Variants in CREB3L2 observed in about 807,000 individuals in gnomAD.
The protein encoded by CREB3L2 is cyclic AMP-responsive element-binding protein 3-like protein 2.
In CREB3L2, 23 loss-of-function variants were observed where a neutral mutation model predicts 57.2. The ratio of observed to expected loss-of-function variants is 0.40; its 90% CI spans 0.29 to 0.57. CREB3L2 has a LOEUF of 0.57. Among genes scored for constraint, CREB3L2 ranks in the 20% least tolerant of loss-of-function variants. The probability of loss-of-function intolerance (pLI) is 0.42; values close to 1 mark genes in which losing one functional copy is unlikely to be tolerated. For synonymous variants in CREB3L2, 268 were observed against 265.1 expected, an observed-to-expected ratio of 1.01 and a Z score of -0.11; for missense variants, 628 against 634.7, an observed-to-expected ratio of 0.99 and a Z score of 0.11.
At chr7:137,885,255 G>T in intron 9 of CREB3L2, 134 bp from the exon 10 acceptor site, 1 of 1,200,806 alleles carries the variant, frequency 8.3e-7, no homozygotes, top group Non-Finnish European at 1.2e-6. Flanking sequence ...CACATCACCA[G>T]AGTGCCTCAC....
At chr7:137,911,939 TGCATAC>T (rs1783883746) in intron 4 of CREB3L2, among the ~76,000 whole-genome samples, 1 of 152,180 alleles carries the variant, frequency 6.6e-6, no homozygotes. Flanking sequence ...CCGGAGAATC[TGCATAC>T]GCAAGGCAGA....
At position 137,901,597 on chromosome 7, in the gene CREB3L2, T is replaced by A. The variant is rs1160637182; in HGVS notation, c.975-175A>T. Among the ~76,000 whole-genome samples, 324 of 147,260 alleles carry A rather than the reference T, an allele frequency of 2.2e-3. 1 individual carries two copies. Among genetic ancestry groups the A allele is most frequent in the African/African-American group, 7.3e-3 (296 of 40,310 alleles). On this transcript the variant is annotated intron_variant, in intron 7 of 11. Transcript: ENST00000330387. ...AAGAGACTTAAGAAAAAAAAAAAAATAGGCCGGGCACGGTGGCTCACGCCT... is the reference window on the plus strand; with the variant it reads ...AAGAGACTTAAGAAAAAAAAAAAAAAAGGCCGGGCACGGTGGCTCACGCCT...
At chr7:137,883,157 A>G (rs1799334353) in intron 10 of CREB3L2, among the ~76,000 whole-genome samples, 1 of 152,240 alleles carries the variant, frequency 6.6e-6, no homozygotes, top group African/African-American at 2.4e-5. Context: ...CTCTGTAGCA[A>G]TTTTCCATGA....
intron 1 of CREB3L2, among the ~76,000 whole-genome samples, chr7:137,938,082 A>G (rs1240912263): frequency 6.6e-6 from 1 of 152,188 alleles, no homozygotes; most frequent in African/African-American, 2.4e-5. Context: ...TCTGACACGG[A>G]TACTATAATG....
intron 1 of CREB3L2, among the ~76,000 whole-genome samples, chr7:137,949,454 A>T (rs1052936701): frequency 6.6e-6 from 1 of 152,240 alleles, no homozygotes; most frequent in Non-Finnish European, 1.5e-5. Flanking sequence ...CCAGTAATTC[A>T]AAGGCTTGGG....
intron 1 of CREB3L2, among the ~76,000 whole-genome samples, chr7:137,951,140 A>G (rs1286837997): frequency 6.6e-6 from 1 of 152,150 alleles, no homozygotes; most frequent in Non-Finnish European, 1.5e-5. Context: ...GTTCCTTTTC[A>G]TGGTCTATTT....
At chr7:137,881,438 G>T (rs772647192) in intron 11 of CREB3L2, among the ~76,000 whole-genome samples, 12 of 152,150 alleles carry the variant, frequency 7.9e-5, no homozygotes, top group Non-Finnish European at 1.5e-4. Flanking sequence ...TCCAAAATCT[G>T]AAATCTATAA....
intron 2 of CREB3L2, among the ~76,000 whole-genome samples, chr7:137,916,448 G>T (rs534115316): frequency 6.6e-6 from 1 of 152,164 alleles, no homozygotes; most frequent in Non-Finnish European, 1.5e-5. Context: ...GGGCACAGTG[G>T]CTCACGCAAG....
At chr7:137,900,969 C>G (rs1021292012) in intron 8 of CREB3L2, among the ~76,000 whole-genome samples, 3 of 152,130 alleles carry the variant, frequency 2.0e-5, no homozygotes, top group African/African-American at 7.2e-5. Context: ...TATTCTCCTC[C>G]AAGCCTCTTT....
At chr7:137,972,724 TATATATATATATAGAGAG>T (rs1180677297) in intron 1 of CREB3L2, among the ~76,000 whole-genome samples, 23 of 22,454 alleles carry the variant, frequency 1.0e-3, no homozygotes, top group African/African-American at 7.5e-3. Context: ...TATATATATA[TATATATATATATAGAGAG>T]AGAGAGAGAG....
chr7:137,969,795 A>ACACACACACACACACAC (rs1421724791), intron 1 of CREB3L2, among the ~76,000 whole-genome samples: 3 of 46,636 alleles, frequency 6.4e-5, no homozygotes, highest in African/African-American at 2.2e-4. Context: ...CACACACACA[A>ACACACACACACACACAC]CATACACATA....
intron 2 of CREB3L2, among the ~76,000 whole-genome samples, chr7:137,925,181 G>A (rs1290768955): frequency 6.6e-6 from 1 of 151,924 alleles, no homozygotes; most frequent in Non-Finnish European, 1.5e-5. Context: ...GAGTTCTAGT[G>A]GGAAGGAGAA....
intron 1 of CREB3L2, among the ~76,000 whole-genome samples, chr7:137,928,590 G>A (rs775878980): frequency 6.6e-6 from 1 of 151,854 alleles, no homozygotes; most frequent in Non-Finnish European, 1.5e-5. Context: ...GTTGGGCTGG[G>A]TGGGTGAGCT....
intron 2 of CREB3L2, among the ~76,000 whole-genome samples, chr7:137,922,384 GTATATA>G (rs1175503933): frequency 0.01 from 202 of 19,586 alleles, 1 homozygote; most frequent in Middle Eastern, 0.059. Context: ...ATATATATAT[GTATATA>G]TATATATATA....
intron 1 of CREB3L2, among the ~76,000 whole-genome samples, chr7:137,928,652 A>G (rs547075631): frequency 9.9e-5 from 15 of 152,240 alleles, no homozygotes; most frequent in Admixed American, 8.5e-4. Flanking sequence ...GCTGGCTGGG[A>G]GTGTGCTGGG....
At chr7:137,935,542 C>A (rs1290444851) in intron 1 of CREB3L2, among the ~76,000 whole-genome samples, 1 of 152,136 alleles carries the variant, frequency 6.6e-6, no homozygotes, top group Non-Finnish European at 1.5e-5. Context: ...CCTTTCATTG[C>A]CAAGTTACTT....
At chr7:137,978,560 T>G (rs1483229711) in intron 1 of CREB3L2, among the ~76,000 whole-genome samples, 1 of 152,174 alleles carries the variant, frequency 6.6e-6, no homozygotes, top group Non-Finnish European at 1.5e-5. Flanking sequence ...GCAGGCCCGG[T>G]ACGATGTAAA....
intron 1 of CREB3L2, 140 bp from the exon 2 acceptor site, chr7:137,928,506 G>A (rs1285827201): frequency 1.7e-6 from 1 of 598,658 alleles, no homozygotes; most frequent in Non-Finnish European, 3.0e-6. Flanking sequence ...CTCGTGCTGT[G>A]TAGCAAACCA....
intron 2 of CREB3L2, among the ~76,000 whole-genome samples, chr7:137,916,790 GAGCGAGAGCGAGAGCGAGTGAC>G (rs964744172): frequency 1.3e-5 from 2 of 151,742 alleles, no homozygotes; most frequent in African/African-American, 4.8e-5. Context: ...GTGAGAGTGA[GAGCGAGAGCGAGAGCGAGTGAC>G]AGCGAGAGCG....
Sources: allele counts gnomAD v4.1 joint callset (sites outside exome capture counted in the v4.1 genomes callset), GRCh38; gene constraint gnomAD v4.1.1; transcripts MANE v1.5; gene names NCBI Gene and HGNC (gene_info 2026-07-23, HGNC 2026-07-21).